Variants in JAM3 observed in about 807,000 individuals in gnomAD.
JAM3 encodes junctional adhesion molecule 3, also known as junctional adhesion molecule C.
JAM3 carries 31 observed loss-of-function variants against 39.4 expected under a neutral mutation model. The observed-to-expected ratio is 0.79, with a 90% CI of 0.59 to 1.06. The LOEUF (loss-of-function observed/expected upper bound fraction) is 1.06. Among genes scored for constraint, JAM3 ranks in the 50% least tolerant of loss-of-function variants. The probability of loss-of-function intolerance (pLI) is 0.00; values close to 1 mark genes in which losing one functional copy is unlikely to be tolerated. For missense variants in JAM3, 455 were observed against 391.4 expected (o/e 1.16, Z -1.37); for synonymous variants, 182 against 148.7 (o/e 1.22, Z -1.63).
At chr11:134,142,545 C>T (rs947533085) in intron 3 of JAM3, among the ~76,000 whole-genome samples, 1 of 152,180 alleles carries the variant, frequency 6.6e-6, no homozygotes, top group African/African-American at 2.4e-5. Flanking sequence ...GTTTTCCTAA[C>T]TCCTTCCCCT....
chr11:134,123,960 T>G, intron 1 of JAM3: 1 of 1,504,044 alleles, frequency 6.6e-7, no homozygotes, highest in Non-Finnish European at 9.2e-7. Flanking sequence ...TGCATCTTCG[T>G]ACTTCATTCC....
At chr11:134,132,973 C>T (rs470417) in intron 1 of JAM3, among the ~76,000 whole-genome samples, 5,579 of 152,304 alleles carry the variant, frequency 0.037, 292 homozygotes, top group East Asian at 0.25. Context: ...GCCTGTCTGT[C>T]TCTCCAATCT....
chr11:134,127,794 C>G (rs1025935756), intron 1 of JAM3, among the ~76,000 whole-genome samples: 1 of 152,130 alleles, frequency 6.6e-6, no homozygotes, highest in Non-Finnish European at 1.5e-5. Context: ...GAGTGACAAC[C>G]GCTGCTCCTA....
chr11:134,107,050 CTA>C (rs1279076518), intron 1 of JAM3, among the ~76,000 whole-genome samples: 1 of 152,152 alleles, frequency 6.6e-6, no homozygotes, highest in Non-Finnish European at 1.5e-5. Flanking sequence ...TATTGTGGCA[CTA>C]TTCACAATAG....
intron 1 of JAM3, among the ~76,000 whole-genome samples, chr11:134,137,769 A>G (rs1220118385): frequency 1.4e-5 from 1 of 69,068 alleles, no homozygotes; most frequent in Non-Finnish European, 2.8e-5. Flanking sequence ...TACTGAGAGA[A>G]ATGTTTATGG....
chr11:134,101,202 A>G (rs780486627), intron 1 of JAM3, among the ~76,000 whole-genome samples: 3 of 152,254 alleles, frequency 2.0e-5, no homozygotes, highest in Non-Finnish European at 2.9e-5. Flanking sequence ...CTTCATACAT[A>G]TTGCTTAATT....
chr11:134,147,343 A>G (rs1236839160), intron 6 of JAM3, among the ~76,000 whole-genome samples: 1 of 150,166 alleles, frequency 6.7e-6, no homozygotes, highest in Non-Finnish European at 1.5e-5. Flanking sequence ...AGTCCCAGTA[A>G]CTTGGGAGGC....
At chr11:134,090,071 AT>A (rs1190478841) in intron 1 of JAM3, among the ~76,000 whole-genome samples, 1 of 152,078 alleles carries the variant, frequency 6.6e-6, no homozygotes, top group Non-Finnish European at 1.5e-5. Context: ...GATGATGAGC[AT>A]TTTTTCATGT....
chr11:134,105,319 ACT>A (rs1349572846), intron 1 of JAM3, among the ~76,000 whole-genome samples: 2 of 152,038 alleles, frequency 1.3e-5, no homozygotes, highest in Non-Finnish European at 2.9e-5. Context: ...CATGCTAAAA[ACT>A]CTCAATAAAT....
chr11:134,150,678 T>TAG lies in JAM3; in HGVS notation c.*1497_*1498insAG, dbSNP rs1203001935. On this transcript the variant is annotated 3_prime_UTR_variant, in exon 9 of 9. Coordinates refer to ENST00000299106, the MANE Select transcript of JAM3 (RefSeq NM_032801.5). ...AAGTTTGTTTAATTATTTGTTAAGA[T>TAG]TGTCTAAGGCCAAAGGCAATTGCGA... is the stretch of plus-strand genomic sequence containing the variant. 1 of 152,032 alleles carries TAG rather than the reference T, an allele frequency of 6.6e-6. No homozygotes were observed. The highest frequency in any genetic ancestry group is 1.5e-5 in the Non-Finnish European group (1 of 68,000). 9.4% of individuals were successfully genotyped at this position (152,032 alleles called of 1,614,324 possible).
chr11:134,130,728 G>A (rs1942754199), intron 1 of JAM3, among the ~76,000 whole-genome samples: 1 of 152,204 alleles, frequency 6.6e-6, no homozygotes, highest in African/African-American at 2.4e-5. Context: ...GTCTTGAAGA[G>A]GCAACAGCTA....
rs1321176152 is a variant in JAM3, at chr11:134,146,029, G to A, written c.696G>A (p.Glu232=). ...SNDAGSARCE[E]QEMEVYDLNI... is the part of the protein sequence containing the mutation. ...ACGCAGGCTCAGCCAGGTGTGAGGA[G>A]CAGGAGATGGAAGTCTGTGAGTTTC... Residue 232 remains glutamate (E), a synonymous_variant, in exon 6 of 9, where the codon GAG becomes GAA. Transcript: ENST00000299106. The A allele has an allele frequency of 1.2e-6, 2 of 1,612,796 alleles. No homozygotes were observed. Among genetic ancestry groups the A allele is most frequent in the African/African-American group, 1.3e-5 (1 of 74,912 alleles).
At chr11:134,144,728 T>G in intron 4 of JAM3, 64 bp from the exon 5 acceptor site, 1 of 1,408,992 alleles carries the variant, frequency 7.1e-7, no homozygotes, top group South Asian at 1.2e-5. Flanking sequence ...TGATTTCTTC[T>G]GGGCTTTAAT....
intron 1 of JAM3, among the ~76,000 whole-genome samples, chr11:134,077,909 C>T (rs1216906319): frequency 2.0e-5 from 3 of 151,954 alleles, no homozygotes; most frequent in Non-Finnish European, 4.4e-5. Context: ...GCCTCGGCTT[C>T]CCAAAGTGCT....
intron 1 of JAM3, among the ~76,000 whole-genome samples, chr11:134,107,499 C>A (rs535156491): frequency 3.9e-4 from 59 of 151,022 alleles, no homozygotes; most frequent in African/African-American, 1.2e-3. Flanking sequence ...TATAAATAGT[C>A]AAAAAAAAGT....
chr11:134,102,220 T>C (rs186352709), intron 1 of JAM3, among the ~76,000 whole-genome samples: 5 of 152,314 alleles, frequency 3.3e-5, no homozygotes, highest in African/African-American at 1.2e-4. Context: ...TTCGCTGTCC[T>C]GCAGCCTCCG....
chr11:134,080,650 A>C (rs1241354139), intron 1 of JAM3, among the ~76,000 whole-genome samples: 1 of 152,172 alleles, frequency 6.6e-6, no homozygotes, highest in African/African-American at 2.4e-5. Context: ...GAACTGTTTA[A>C]GTCTAATAAA....
Position 134,149,425 on chromosome 11 carries a change from A to C in JAM3, c.*244A>C. The C allele has an allele frequency of 1.7e-6, 1 of 604,234 alleles. No individual in the cohort carries two copies. Among genetic ancestry groups the C allele is most frequent in the South Asian group, 1.9e-5 (1 of 52,236 alleles). The allele number at this position is 604,234 out of a possible 1,614,324, so 37.4% of individuals were successfully genotyped here. A position where few individuals can be genotyped will look rare whatever the true frequency, so the allele number is the denominator to read the frequency against. ...GAAGCGAAACTGGGTGCGTTCACTG[A>C]GTTGGGTTCCTAATCTGTTTCTGGC... On this transcript the variant is annotated 3_prime_UTR_variant, in exon 9 of 9. Transcript: ENST00000299106.
At chr11:134,080,817 G>A (rs1172440352) in intron 1 of JAM3, among the ~76,000 whole-genome samples, 1 of 152,202 alleles carries the variant, frequency 6.6e-6, no homozygotes, top group African/African-American at 2.4e-5. Flanking sequence ...GCAGAGGTTG[G>A]AACAGTTTGG....
Sources: gnomAD v4.1 joint callset for allele counts (sites outside exome capture counted in the v4.1 genomes callset) on GRCh38, gnomAD v4.1.1 for gene constraint, MANE v1.5 for transcripts, NCBI Gene and HGNC (gene_info 2026-07-23, HGNC 2026-07-21) for gene names.